Variants in ZCCHC7 observed in about 807,000 individuals in gnomAD.
The protein encoded by ZCCHC7 is zinc finger CCHC-type containing 7.
In ZCCHC7, 35 loss-of-function variants were observed where a neutral mutation model predicts 52.0. That is an observed-to-expected ratio of 0.67 (90% confidence interval 0.51 to 0.89). ZCCHC7 has a LOEUF of 0.89. Ranked by LOEUF, ZCCHC7 falls within the 40% of genes least tolerant of loss-of-function variation. The pLI, the probability that ZCCHC7 is intolerant of heterozygous loss-of-function variation, is 0.00. For synonymous variants in ZCCHC7, 217 were observed against 221.5 expected (o/e 0.98, Z 0.18); for missense variants, 574 against 649.1 (o/e 0.88, Z 1.26).
intron 5 of ZCCHC7, among the ~76,000 whole-genome samples, chr9:37,321,052 A>T (rs1282902966): frequency 1.4e-5 from 2 of 140,158 alleles, no homozygotes; most frequent in African/African-American, 2.7e-5. Context: ...GCAGTGGCGT[A>T]ATCTCGGCTC....
intron 7 of ZCCHC7, among the ~76,000 whole-genome samples, chr9:37,353,244 C>T (rs959797838): frequency 2.0e-5 from 3 of 152,134 alleles, no homozygotes; most frequent in Non-Finnish European, 2.9e-5. Context: ...AACAAATCAA[C>T]TGAACCAATA....
chr9:37,120,411 A>G (rs922645202), upstream of ZCCHC7: 3 of 391,702 alleles, frequency 7.7e-6, no homozygotes, highest in Non-Finnish European at 1.4e-5. Flanking sequence ...TGGGCGGGGC[A>G]GAGAACGGTT....
intron 2 of ZCCHC7, among the ~76,000 whole-genome samples, chr9:37,198,703 C>T (rs2133144531): frequency 6.6e-6 from 1 of 152,256 alleles, no homozygotes; most frequent in South Asian, 2.1e-4. Context: ...GAGCTTGCTC[C>T]CTCAAACTTG....
chr9:37,260,021 A>G (rs75955370), intron 2 of ZCCHC7, among the ~76,000 whole-genome samples: 2,441 of 152,322 alleles, frequency 0.016, 25 homozygotes, highest in Non-Finnish European at 0.024. Context: ...GCAGTGGTTT[A>G]TAAAACTGGA....
intron 5 of ZCCHC7, chr9:37,325,937 T>C (rs1458132010): frequency 6.6e-6 from 1 of 152,192 alleles, no homozygotes; most frequent in Non-Finnish European, 1.5e-5. Flanking sequence ...AAGTAATTCT[T>C]TCTTTTATTA....
At chr9:37,237,966 C>T (rs61637412) in intron 2 of ZCCHC7, among the ~76,000 whole-genome samples, 20,641 of 151,922 alleles carry the variant, frequency 0.14, 1,713 homozygotes, top group Non-Finnish European at 0.17. Flanking sequence ...ATTTCATTTT[C>T]GTTTCATTAC....
intron 2 of ZCCHC7, among the ~76,000 whole-genome samples, chr9:37,221,889 T>C (rs1399220804): frequency 6.6e-6 from 1 of 152,094 alleles, no homozygotes; most frequent in Non-Finnish European, 1.5e-5. Flanking sequence ...TACTCAAATA[T>C]GTTGTGTTTG....
rs961018771 is a variant in ZCCHC7 at position 37,120,586 on chromosome 9, T to G, written c.-59T>G. 8 of 399,044 alleles carry G rather than the reference T, an allele frequency of 2.0e-5. No homozygotes were observed. Among genetic ancestry groups the G allele is most frequent in the African/African-American group, 1.6e-4 (8 of 48,624 alleles). The allele number at this position is 399,044 out of a possible 1,614,324, so 24.7% of individuals were successfully genotyped here. ...CCCCTCCCCGTCCCTCTACGCGTTTTGGTTCCCGGTTGGTGCTTCCTGTTC... is the reference window on the plus strand; with the variant it reads ...CCCCTCCCCGTCCCTCTACGCGTTTGGGTTCCCGGTTGGTGCTTCCTGTTC... On this transcript the variant is annotated 5_prime_UTR_variant, in exon 1 of 9. Transcript: ENST00000336755.
chr9:37,164,141 T>A (rs1460155941), intron 2 of ZCCHC7, among the ~76,000 whole-genome samples: 2 of 152,154 alleles, frequency 1.3e-5, no homozygotes, highest in Non-Finnish European at 2.9e-5. Flanking sequence ...CTTTTTCTTT[T>A]TTTGAAAGAG....
chr9:37,272,774 C>T (rs749259075), intron 2 of ZCCHC7, among the ~76,000 whole-genome samples: 1 of 152,190 alleles, frequency 6.6e-6, no homozygotes, highest in Admixed American at 6.5e-5. Context: ...CTATTCCGTA[C>T]GTATTCTTCT....
intron 5 of ZCCHC7, among the ~76,000 whole-genome samples, chr9:37,313,607 G>T (rs922031568): frequency 6.6e-6 from 1 of 152,192 alleles, no homozygotes; most frequent in Admixed American, 6.5e-5. Flanking sequence ...TCCCAATGTT[G>T]AGGGAGGGAC....
chr9:37,317,192 A>C (rs1031317396), intron 5 of ZCCHC7, among the ~76,000 whole-genome samples: 1 of 152,220 alleles, frequency 6.6e-6, no homozygotes, highest in Admixed American at 6.5e-5. Flanking sequence ...AAAAACACAC[A>C]AATCAGATTC....
At chr9:37,259,111 G>C (rs1398226569) in intron 2 of ZCCHC7, among the ~76,000 whole-genome samples, 1 of 152,144 alleles carries the variant, frequency 6.6e-6, no homozygotes, top group Non-Finnish European at 1.5e-5. Flanking sequence ...CTAATGGTCG[G>C]GGCTGGTTAT....
In ZCCHC7 at chr9:37,268,684, C is replaced by A. The variant is rs1024034734; in HGVS notation, c.611-33504C>A. On this transcript the variant is annotated intron_variant, in intron 2 of 8. Transcript: ENST00000336755. ...CTTGTGATCCGCCCACCTCGGCCTC[C>A]CAAAGTGCTGGGATTACAGGCGTGA... Among the ~76,000 whole-genome samples the A allele has an allele frequency of 1.6e-4, 25 of 152,300 alleles. 1 individual carries two copies. In the South Asian group the frequency reaches 2.1e-3, roughly 13 times the overall value.
chr9:37,149,699 GATA>G (rs1843601708), intron 2 of ZCCHC7, among the ~76,000 whole-genome samples: 2 of 152,000 alleles, frequency 1.3e-5, no homozygotes, highest in African/African-American at 4.8e-5. Flanking sequence ...GCTACTTTAG[GATA>G]ATATTTTATT....
chr9:37,354,842 TTG>T lies in ZCCHC7; in HGVS notation c.1198+20_1198+21del. The T allele has an allele frequency of 6.6e-7, 1 of 1,504,798 alleles. No individual in the cohort carries two copies. The highest frequency in any genetic ancestry group is 9.2e-7 in the Non-Finnish European group (1 of 1,088,596). The allele number at this position is 1,504,798 out of a possible 1,614,324, so 93.2% of individuals were successfully genotyped here. A position where few individuals can be genotyped will look rare whatever the true frequency, so the allele number is the denominator to read the frequency against. On this transcript the variant is annotated intron_variant, in intron 8 of 8. Coordinates refer to ENST00000336755, the MANE Select transcript of ZCCHC7 (RefSeq NM_032226.3). This position sits in a 1 kb window ranked among gnomAD's most constrained non-coding sequence, Gnocchi z 4.0. Reference sequence around the variant, plus strand: ...AATAAAAGGTATGTTGCTAGACTTCTTGTTAGATCACATTTGCAGTAGTTTCT... The same window carrying T: ...AATAAAAGGTATGTTGCTAGACTTCTTTAGATCACATTTGCAGTAGTTTCT...
At chr9:37,305,909 G>A (rs1434718148) in intron 5 of ZCCHC7, among the ~76,000 whole-genome samples, 195 bp downstream of exon 5, 1 of 151,564 alleles carries the variant, frequency 6.6e-6, no homozygotes, top group East Asian at 1.9e-4. Context: ...ATAATATAGG[G>A]GTAAGGAGCC....
chr9:37,153,301 G>T (rs1242394992), intron 2 of ZCCHC7, among the ~76,000 whole-genome samples: 1 of 151,982 alleles, frequency 6.6e-6, no homozygotes, highest in East Asian at 1.9e-4. Context: ...CTCCCAAGTA[G>T]CTGGGATCAT....
Position 37,304,172 on chromosome 9 carries a change from T to C in ZCCHC7, c.655-16T>C. On this transcript the variant is annotated splice_polypyrimidine_tract_variant and intron_variant, in intron 3 of 8. Transcript: ENST00000336755. ...GTGAAACAATTTTTTTAATTCTTGA[T>C]TTTTTTTTCCCTTAGGCCCAGATAG... 6.9e-7 allele frequency: 1 copy of C among 1,438,992 alleles called. No homozygotes were observed. Among genetic ancestry groups the C allele is most frequent in the Non-Finnish European group, 9.1e-7 (1 of 1,098,792 alleles). 89.1% of individuals were successfully genotyped at this position (1,438,992 alleles called of 1,614,324 possible).
Sources: allele counts gnomAD v4.1 joint callset (sites outside exome capture counted in the v4.1 genomes callset), GRCh38; gene constraint gnomAD v4.1.1; non-coding constraint Gnocchi (gnomAD v3.1); transcripts MANE v1.5; gene names NCBI Gene and HGNC (gene_info 2026-07-23, HGNC 2026-07-21).